The following KCNG2 variants were observed in gnomAD, a reference collection of about 807,000 sequenced individuals.
The protein encoded by KCNG2 is voltage-gated potassium channel regulatory subunit KCNG2.
KCNG2 carries 7 observed loss-of-function variants against 12.3 expected under a neutral mutation model. The observed-to-expected ratio is 0.57, with a 90% CI of 0.32 to 1.07. The LOEUF is 1.07. KCNG2 is among the 50% of genes least tolerant of loss of function. KCNG2 has a pLI of 0.04. For missense variants in KCNG2, 703 were observed against 726.0 expected (o/e 0.97, Z 0.36); for synonymous variants, 414 against 351.4 (o/e 1.18, Z -1.99).
chr18:79,829,013 GCA>G, intron 1 of KCNG2, among the ~76,000 whole-genome samples: 1 of 101,672 alleles, frequency 9.8e-6, no homozygotes, highest in Non-Finnish European at 2.2e-5. Context: ...CATGATGTGT[GCA>G]TGTGTCTGTG....
In KCNG2 at chr18:79,899,238, G is replaced by A. The variant is rs772511568; in HGVS notation, c.823G>A (p.Gly275Ser). The change falls in exon 4 of 4, where the codon GGC becomes AGC. Residue 275 changes from glycine to serine, a missense_variant. Coordinates refer to ENST00000316249, the MANE Select transcript of KCNG2 (RefSeq NM_012283.2). Reference sequence around the variant, plus strand: ...GCTGCTGGGGCTGGCGGCAGGCCCGGGCGGGACCAAGCTCCTGGAGCGCGC... The same window carrying A: ...GCTGCTGGGGCTGGCGGCAGGCCCGAGCGGGACCAAGCTCCTGGAGCGCGC... ...SLLLGLAAGP[G>S]GTKLLERAGL... 26 of 1,598,062 alleles carry A rather than the reference G, an allele frequency of 1.6e-5. No homozygotes were observed. The highest frequency in any genetic ancestry group is 1.6e-4 in the Middle Eastern group (1 of 6,064).
rs570557796 is a variant in KCNG2, at chr18:79,823,692, T to C, written c.-115+25678T>C. Among the ~76,000 whole-genome samples the C allele has an allele frequency of 2.0e-5, 3 of 152,346 alleles. No individual in the cohort carries two copies. The East Asian group carries it at 5.8e-4, about 29-fold the overall frequency. On this transcript the variant is annotated intron_variant, in intron 1 of 3. Transcript: ENST00000316249. ...TTTAAGAGTTCATGCTATATGAGTT[T>C]TTCCCCTTGTTGTTTTTCTTTTTCC...
chr18:79,821,524 A>G (rs914943353), intron 1 of KCNG2, among the ~76,000 whole-genome samples: 1 of 152,096 alleles, frequency 6.6e-6, no homozygotes, highest in African/African-American at 2.4e-5. Context: ...TCCTGACCTC[A>G]GGTTGTCCAC....
intron 3 of KCNG2, among the ~76,000 whole-genome samples, chr18:79,883,432 T>C (rs1258565020): frequency 6.6e-6 from 1 of 152,250 alleles, no homozygotes; most frequent in African/African-American, 2.4e-5. Flanking sequence ...ATTTCTGACG[T>C]TCCCTGACAA....
chr18:79,887,068 A>G (rs201926245), intron 3 of KCNG2, among the ~76,000 whole-genome samples: 2 of 140,618 alleles, frequency 1.4e-5, no homozygotes, highest in Admixed American at 7.1e-5. Context: ...GGACAGGGAC[A>G]TGGGGACACG....
intron 3 of KCNG2, among the ~76,000 whole-genome samples, chr18:79,898,291 C>A (rs997940118): frequency 1.1e-4 from 17 of 152,230 alleles, no homozygotes; most frequent in African/African-American, 3.9e-4. Context: ...ATGACACCCT[C>A]CCTCTCTAGG....
At chr18:79,890,758 T>C (rs1980716797) in intron 3 of KCNG2, among the ~76,000 whole-genome samples, 1 of 152,194 alleles carries the variant, frequency 6.6e-6, no homozygotes, top group Admixed American at 6.5e-5. Flanking sequence ...TCACTGATGA[T>C]TAGTCTGTGC....
At chr18:79,848,559 C>T (rs969265797) in intron 1 of KCNG2, among the ~76,000 whole-genome samples, 1 of 152,224 alleles carries the variant, frequency 6.6e-6, no homozygotes. Context: ...CTTAGCCACA[C>T]GCGAAAAGAC....
At chr18:79,879,630 C>T (rs541792383) in intron 3 of KCNG2, among the ~76,000 whole-genome samples, 35 of 152,194 alleles carry the variant, frequency 2.3e-4, no homozygotes, top group African/African-American at 7.2e-4. Context: ...GAAGATGCAC[C>T]GCTGGGAGGT....
intron 3 of KCNG2, 136 bp from the exon 4 acceptor site, chr18:79,898,904 C>G (rs1981076811): frequency 1.6e-6 from 1 of 624,952 alleles, no homozygotes; most frequent in Admixed American, 3.4e-5. Context: ...TGTCAATATC[C>G]CCTGCACCCG....
In KCNG2 at chr18:79,803,776, G is replaced by C. The variant is rs916298531; in HGVS notation, c.-115+5762G>C. Among the ~76,000 whole-genome samples, 2 of 152,192 alleles carry C rather than the reference G, an allele frequency of 1.3e-5. No homozygotes were observed. The highest frequency in any genetic ancestry group is 1.3e-4 in the Admixed American group (2 of 15,284). ...TCTCCCGACCACAGGCCCCAGTCCC[G>C]GCCAAGGTTCCAGGATGCCAGCAGG... On this transcript the variant is annotated intron_variant, in intron 1 of 3. Coordinates refer to ENST00000316249, the MANE Select transcript of KCNG2 (RefSeq NM_012283.2). This position sits in a 1 kb window ranked among gnomAD's most constrained non-coding sequence, Gnocchi z 4.5.
intron 1 of KCNG2, among the ~76,000 whole-genome samples, chr18:79,809,605 T>G (rs1449291068): frequency 6.7e-6 from 1 of 148,746 alleles, no homozygotes; most frequent in African/African-American, 2.6e-5. Flanking sequence ...CACTCCACGT[T>G]ACGGTCCCAG....
chr18:79,876,588 C>T (rs1462015357), intron 3 of KCNG2, among the ~76,000 whole-genome samples: 2 of 152,256 alleles, frequency 1.3e-5, no homozygotes, highest in African/African-American at 4.8e-5. Context: ...TCTGCATCCA[C>T]AGGCAGTGGT....
In KCNG2 at chr18:79,899,049, TC is replaced by T; in HGVS notation, c.639del (p.Lys214SerfsTer85). 5 of 1,562,580 alleles carry T rather than the reference TC, an allele frequency of 3.2e-6. No individual in the cohort carries two copies. The highest frequency in any genetic ancestry group is 2.6e-6 in the Non-Finnish European group (3 of 1,157,392). ...TCCCCTCTCCCCGCAGGGCGAGTGC[TC>T]CCCCAAGTGCCGCAGCCTGTTCGTG... The part of the protein sequence containing the change: ...IRAEEERGEC[S>X]PKCRSLFVLE... On this transcript the variant is annotated frameshift_variant, in exon 4 of 4. Coordinates refer to ENST00000316249, the MANE Select transcript of KCNG2 (RefSeq NM_012283.2). LOFTEE classifies it low-confidence loss of function (END_TRUNC).
chr18:79,874,457 T>A (rs1979987027), intron 3 of KCNG2, among the ~76,000 whole-genome samples: 1 of 152,232 alleles, frequency 6.6e-6, no homozygotes. Flanking sequence ...TGCGCGTCAG[T>A]CAGAGTCCTA....
chr18:79,875,160 T>TC (rs1354458667), intron 3 of KCNG2, among the ~76,000 whole-genome samples: 6 of 152,072 alleles, frequency 3.9e-5, no homozygotes. Context: ...CCCCCTAACT[T>TC]CCCCACTCTT....
intron 1 of KCNG2, among the ~76,000 whole-genome samples, chr18:79,814,486 T>G (rs563795523): frequency 6.0e-4 from 91 of 152,280 alleles, no homozygotes; most frequent in African/African-American, 2.2e-3. Context: ...AAAGCCAGTC[T>G]CAAAATAATC....
intron 1 of KCNG2, among the ~76,000 whole-genome samples, chr18:79,837,343 G>A (rs1978339170): frequency 2.0e-5 from 3 of 152,196 alleles, no homozygotes; most frequent in Non-Finnish European, 4.4e-5. Flanking sequence ...GCTTTCACTT[G>A]CTGGCTCTGA....
intron 1 of KCNG2, among the ~76,000 whole-genome samples, chr18:79,850,844 C>T (rs1003498937): frequency 6.6e-5 from 10 of 152,190 alleles, no homozygotes; most frequent in Non-Finnish European, 1.0e-4. Context: ...AGAACTCAAA[C>T]GCACGTTGCT....
Sources: allele counts gnomAD v4.1 joint callset (sites outside exome capture counted in the v4.1 genomes callset), GRCh38; gene constraint gnomAD v4.1.1; non-coding constraint Gnocchi (gnomAD v3.1); transcripts MANE v1.5; gene names NCBI Gene and HGNC (gene_info 2026-07-23, HGNC 2026-07-21).